Variants in WARS2 observed in about 807,000 individuals in gnomAD.
WARS2 encodes the protein tryptophanyl tRNA synthetase 2, mitochondrial, also known as tryptophan--tRNA ligase, mitochondrial.
In WARS2, 28 loss-of-function variants were observed where a neutral mutation model predicts 36.5. The ratio of observed to expected loss-of-function variants is 0.77; its 90% CI spans 0.57 to 1.05. The LOEUF is 1.05. Ranked by LOEUF, WARS2 falls within the 50% of genes least tolerant of loss-of-function variation. The probability of loss-of-function intolerance (pLI) is 0.00; values close to 1 mark genes in which losing one functional copy is unlikely to be tolerated. For missense variants in WARS2, 435 were observed against 456.8 expected (o/e 0.95, Z 0.44); for synonymous variants, 174 against 178.4 (o/e 0.98, Z 0.20).
chr1:119,108,565 T>C (rs1468197984), intron 1 of WARS2, among the ~76,000 whole-genome samples: 1 of 151,968 alleles, frequency 6.6e-6, no homozygotes, highest in East Asian at 1.9e-4. Flanking sequence ...GTAATTTGTG[T>C]CATCTCTTTA....
chr1:119,082,515 A>G lies in WARS2; in HGVS notation c.91-5908T>C. On this transcript the variant is annotated intron_variant, in intron 1 of 5. Transcript: ENST00000235521. ...CACTGCTAAGTTAAATAACCTGCAT[A>G]AAGTCACAGGCAGGTGAGTCAGATC... is the stretch of plus-strand genomic sequence containing the variant. The G allele has an allele frequency of 3.2e-6, 3 of 923,352 alleles. No individual in the cohort carries two copies. The East Asian group carries it at 3.5e-4, about 108-fold the overall frequency. The allele number at this position is 923,352 out of a possible 1,614,324, so 57.2% of individuals were successfully genotyped here. A position where few individuals can be genotyped will look rare whatever the true frequency, so the allele number is the denominator to read the frequency against.
chr1:119,124,853 G>A (rs1309434465), intron 1 of WARS2, among the ~76,000 whole-genome samples: 1 of 152,098 alleles, frequency 6.6e-6, no homozygotes, highest in East Asian at 1.9e-4. Context: ...CCACCCTCCT[G>A]TTAGCCATGT....
At chr1:119,082,875 C>T (rs926845232) in intron 1 of WARS2, among the ~76,000 whole-genome samples, 4 of 152,100 alleles carry the variant, frequency 2.6e-5, no homozygotes, top group Non-Finnish European at 5.9e-5. Context: ...AAGGCAGGGC[C>T]TTTTAGAAAG....
In WARS2 at chr1:119,034,122, A is replaced by T; in HGVS notation, c.607T>A (p.Phe203Ile). ...AGAATGGACTCGGGCACTGGAAAGA[A>T]CTCCCCATACTTCTTGTTGAAACCT... The part of the protein sequence containing the change: ...AQGFNKKYGE[F>I]FPVPESILTS... Residue 203 changes from phenylalanine to isoleucine, a missense_variant, in exon 5 of 6, where the codon TTC becomes ATC. Physicochemically the swap from Phe to Ile is conservative, Grantham distance 21. Coordinates refer to ENST00000235521, the MANE Select transcript of WARS2 (RefSeq NM_015836.4). The T allele has an allele frequency of 6.2e-7, 1 of 1,613,920 alleles. No individual in the cohort carries two copies.
Position 119,089,977 on chromosome 1 carries a change from T to A in WARS2, c.91-13370A>T, listed in dbSNP as rs587677932. 2.6e-5 allele frequency among the ~76,000 whole-genome samples: 4 copies of A among 151,956 alleles called. No individual in the cohort carries two copies. The South Asian group carries it at 8.3e-4, about 32-fold the overall frequency. ...ACACCACACACTGAGGCCTGTCAGG[T>A]TGGAGAGGGAGAGCATCAGGAAGAA... On this transcript the variant is annotated intron_variant, in intron 1 of 5. Transcript: ENST00000235521.
At chr1:119,140,152 G>C (rs1044634007) in intron 1 of WARS2, 1 of 159,036 alleles carries the variant, frequency 6.3e-6, no homozygotes, top group Non-Finnish European at 1.4e-5. Context: ...TACTCTCTCC[G>C]ATAGCCCCTT....
chr1:119,096,079 G>T (rs1653418710), intron 1 of WARS2, among the ~76,000 whole-genome samples: 1 of 152,130 alleles, frequency 6.6e-6, no homozygotes, highest in Non-Finnish European at 1.5e-5. Flanking sequence ...CTAGTCAGTT[G>T]TCTTATTGTG....
chr1:119,034,234 A>G (rs1413984578), intron 4 of WARS2, 21 bp from the exon 5 acceptor site: 25 of 1,590,238 alleles, frequency 1.6e-5, no homozygotes, highest in Non-Finnish European at 2.2e-5. Context: ...AGACAGACAG[A>G]AAAACAACAG....
At position 119,054,052 on chromosome 1, in the gene WARS2, CT is replaced by C. The variant is rs1355301141; in HGVS notation, c.349-8391del. On this transcript the variant is annotated intron_variant, in intron 2 of 5. Coordinates refer to ENST00000235521, the MANE Select transcript of WARS2 (RefSeq NM_015836.4). ...AGCCTGAGCAACAGAGAGATACCCC[CT>C]ATCAAATAATAATAATAATTAAATA... Among the ~76,000 whole-genome samples the C allele has an allele frequency of 1.3e-4, 20 of 151,158 alleles. No homozygotes were observed. In the Middle Eastern group the frequency reaches 0.014, roughly 104 times the overall value.
chr1:119,041,330 G>A (rs1289059703), intron 4 of WARS2, among the ~76,000 whole-genome samples: 2 of 152,168 alleles, frequency 1.3e-5, no homozygotes, highest in East Asian at 1.9e-4. Context: ...GGTCAAGGGA[G>A]GCTGATGAGG....
At chr1:119,117,465 T>C (rs943685210) in intron 1 of WARS2, among the ~76,000 whole-genome samples, 1 of 152,152 alleles carries the variant, frequency 6.6e-6, no homozygotes, top group African/African-American at 2.4e-5. Context: ...CCTTCTACTA[T>C]TGCAGCTGGC....
rs749992816 is a variant in WARS2, at chr1:119,033,151, C to T, written c.843G>A (p.Ala281=). ...GVSNIVAVHA[A]VTGLSVEEVV... ...CTTCCTCCACGGAGAGCCCCGTCAC[C>T]GCGGCATGCACCGCCACTATGTTGG... Residue 281 remains alanine, a synonymous_variant, in exon 6 of 6, where the codon GCG becomes GCA. Coordinates refer to ENST00000235521, the MANE Select transcript of WARS2 (RefSeq NM_015836.4). 3 of 1,614,026 alleles carry T rather than the reference C, an allele frequency of 1.9e-6. No homozygotes were observed. The highest frequency in any genetic ancestry group is 2.5e-6 in the Non-Finnish European group (3 of 1,180,062).
Position 119,043,063 on chromosome 1 carries a change from A to G in WARS2, c.430-714T>C, listed in dbSNP as rs1470593863. Reference sequence around the variant, plus strand: ...AAACATTTAATAACTGGGGGGGGCAATAGATGCTGATTATAAACTACTACT... The same window carrying G: ...AAACATTTAATAACTGGGGGGGGCAGTAGATGCTGATTATAAACTACTACT... On this transcript the variant is annotated intron_variant, in intron 3 of 5. Coordinates refer to ENST00000235521, the MANE Select transcript of WARS2 (RefSeq NM_015836.4). Among the ~76,000 whole-genome samples, 7 of 152,190 alleles carry G rather than the reference A, an allele frequency of 4.6e-5. No homozygotes were observed. In the East Asian group the frequency reaches 1.3e-3, roughly 29 times the overall value.
At chr1:119,071,159 G>A (rs1457773234) in intron 2 of WARS2, among the ~76,000 whole-genome samples, 2 of 152,138 alleles carry the variant, frequency 1.3e-5, no homozygotes, top group Non-Finnish European at 2.9e-5. Flanking sequence ...CTGACAAAGC[G>A]AGATTCCGTC....
chr1:119,097,231 T>C (rs1653503341), intron 1 of WARS2, among the ~76,000 whole-genome samples: 1 of 152,210 alleles, frequency 6.6e-6, no homozygotes, highest in Non-Finnish European at 1.5e-5. Context: ...AAATGTGTGA[T>C]TTTTAAAAAT....
intron 3 of WARS2, among the ~76,000 whole-genome samples, chr1:119,043,060 G>A (rs899942968): frequency 6.6e-6 from 1 of 152,130 alleles, no homozygotes; most frequent in Non-Finnish European, 1.5e-5. Flanking sequence ...ACTGGGGGGG[G>A]CAATAGATGC....
chr1:119,066,477 C>CAA (rs34709639), intron 2 of WARS2, among the ~76,000 whole-genome samples: 673 of 44,818 alleles, frequency 0.015, 11 homozygotes, highest in African/African-American at 0.033. Context: ...GGCTCTGTCT[C>CAA]AAAAAAAAAA....
chr1:119,102,791 A>G (rs1471594124), intron 1 of WARS2, among the ~76,000 whole-genome samples: 2 of 152,194 alleles, frequency 1.3e-5, no homozygotes, highest in African/African-American at 4.8e-5. Flanking sequence ...AAATAAAAAC[A>G]AAAAATGATT....
intron 1 of WARS2, among the ~76,000 whole-genome samples, chr1:119,098,562 C>A (rs190659869): frequency 6.6e-6 from 1 of 151,820 alleles, no homozygotes; most frequent in Non-Finnish European, 1.5e-5. Context: ...CTCAGCCTCC[C>A]GAGTCGCTAG....
Sources: gnomAD v4.1 joint callset for allele counts (sites outside exome capture counted in the v4.1 genomes callset) on GRCh38, gnomAD v4.1.1 for gene constraint, MANE v1.5 for transcripts, NCBI Gene and HGNC (gene_info 2026-07-23, HGNC 2026-07-21) for gene names.